The following DOCK4 variants were observed in gnomAD, a reference collection of about 807,000 sequenced individuals.
DOCK4 encodes the protein dedicator of cytokinesis protein 4.
Under a neutral mutation model 268.1 loss-of-function variants are expected in DOCK4, and 97 were observed. The ratio of observed to expected loss-of-function variants is 0.36; its 90% CI spans 0.31 to 0.43. DOCK4 has a LOEUF of 0.43. Ranked by LOEUF, DOCK4 falls within the 20% of genes least tolerant of loss-of-function variation. The pLI, the probability that DOCK4 is intolerant of heterozygous loss-of-function variation, is 1.00. For synonymous variants in DOCK4, 954 were observed against 887.2 expected (o/e 1.08, Z -1.34); for missense variants, 2,145 against 2,455.7 (o/e 0.87, Z 2.67).
chr7:112,095,297 A>C (rs1810019912), intron 1 of DOCK4, among the ~76,000 whole-genome samples: 1 of 152,226 alleles, frequency 6.6e-6, no homozygotes, highest in African/African-American at 2.4e-5. Context: ...AAAGGAAAAT[A>C]AAAGCCTTAA....
At chr7:111,874,750 T>C (rs1806703273) in intron 17 of DOCK4, among the ~76,000 whole-genome samples, 1 of 152,196 alleles carries the variant, frequency 6.6e-6, no homozygotes, top group Non-Finnish European at 1.5e-5. Flanking sequence ...CCTAATCCTC[T>C]GAACCTTAAA....
intron 16 of DOCK4, among the ~76,000 whole-genome samples, chr7:111,882,922 T>C (rs1477698001): frequency 6.6e-6 from 1 of 152,092 alleles, no homozygotes; most frequent in African/African-American, 2.4e-5. Flanking sequence ...TTTTTAATAA[T>C]AAATATTTAG....
chr7:112,108,984 G>A (rs372138839), intron 1 of DOCK4, among the ~76,000 whole-genome samples: 6 of 152,052 alleles, frequency 3.9e-5, no homozygotes, highest in African/African-American at 1.4e-4. Flanking sequence ...ACTGGGGGAG[G>A]AGGAGAGCAG....
At chr7:112,080,465 T>C (rs2135714031) in intron 1 of DOCK4, among the ~76,000 whole-genome samples, 1 of 152,356 alleles carries the variant, frequency 6.6e-6, no homozygotes, top group South Asian at 2.1e-4. Context: ...TTTCTTGCAT[T>C]GATAGAGAAA....
chr7:111,760,737 T>TG (rs1797341165), intron 39 of DOCK4, among the ~76,000 whole-genome samples: 5 of 109,206 alleles, frequency 4.6e-5, no homozygotes, highest in African/African-American at 2.1e-4. Context: ...TTGTCTGCTT[T>TG]TTGTGTGTGT....
chr7:111,946,360 G>C (rs372573665), intron 8 of DOCK4, among the ~76,000 whole-genome samples: 1 of 152,112 alleles, frequency 6.6e-6, no homozygotes. Flanking sequence ...ACTTGCATTT[G>C]AAAATACAGT....
At chr7:111,946,168 T>C (rs1795604052) in intron 8 of DOCK4, among the ~76,000 whole-genome samples, 1 of 152,228 alleles carries the variant, frequency 6.6e-6, no homozygotes, top group Admixed American at 6.5e-5. Flanking sequence ...CTTTTTCATG[T>C]TTTATGTCAC....
chr7:111,799,747 T>C (rs1273517856), intron 30 of DOCK4, among the ~76,000 whole-genome samples: 1 of 152,220 alleles, frequency 6.6e-6, no homozygotes, highest in Non-Finnish European at 1.5e-5. Flanking sequence ...TTAAAACTTC[T>C]TTTTAACTCA....
intron 13 of DOCK4, among the ~76,000 whole-genome samples, chr7:111,913,032 T>C (rs1792259043): frequency 6.6e-6 from 1 of 151,632 alleles, no homozygotes; most frequent in South Asian, 2.1e-4. Flanking sequence ...GACAGGATCT[T>C]GGCTCACTGC....
Position 111,847,112 on chromosome 7 carries a change from G to C in DOCK4, c.2488C>G (p.Leu830Val). The C allele has an allele frequency of 1.2e-6, 2 of 1,613,810 alleles. No individual in the cohort carries two copies. The highest frequency in any genetic ancestry group is 1.7e-6 in the Non-Finnish European group (2 of 1,179,750). ...LYTNPDSRYI[L>V]LPVVLHHLHI... ...AGGTGATGTAACACGACAGGCAGAAGAATGTATCGGGAATCTGAAGAGAGA... is the reference window on the plus strand; with the variant it reads ...AGGTGATGTAACACGACAGGCAGAACAATGTATCGGGAATCTGAAGAGAGA... Residue 830 changes from leucine (L) to valine (V), a missense_variant, in exon 24 of 53, where the codon CTT (leucine) becomes GTT (valine). By Grantham distance (32) the Leu-to-Val change is conservative. Coordinates refer to ENST00000428084, the MANE Select transcript of DOCK4 (RefSeq NM_001363540.2).
At chr7:111,846,366 G>A (rs939452609) in intron 24 of DOCK4, among the ~76,000 whole-genome samples, 1 of 152,174 alleles carries the variant, frequency 6.6e-6, no homozygotes, top group Admixed American at 6.5e-5. Flanking sequence ...CCTGAGCCAT[G>A]AACACAAATA....
chr7:111,998,449 C>A lies in DOCK4; in HGVS notation c.217G>T (p.Gly73Ter). ...CTACTAATAAAACTCATTTCTTACC[C>A]TTTGTTCTTTACACAGGCATTTTTC... ...HLKNACVKNK[G>*]QFEMVIPTED... Residue 73 changes from glycine to a stop codon, truncating the protein, a stop_gained and splice_region_variant, in exon 4 of 53, where the codon GGA (glycine) becomes TGA (stop). Transcript: ENST00000428084. LOFTEE classifies it high-confidence loss of function. The A allele has an allele frequency of 6.3e-7, 1 of 1,579,476 alleles. No homozygotes were observed. Among genetic ancestry groups the A allele is most frequent in the Non-Finnish European group, 8.6e-7 (1 of 1,160,128 alleles).
At chr7:111,840,649 C>T (rs1803606929) in intron 25 of DOCK4, 2 of 245,750 alleles carry the variant, frequency 8.1e-6, no homozygotes, top group Non-Finnish European at 1.5e-5. Context: ...AACTATGATA[C>T]AGCAGACGCC....
At position 111,760,153 on chromosome 7, in the gene DOCK4, T is replaced by A. The variant is rs1407102556; in HGVS notation, c.4162+28A>T. ...CAGCTAAGAGCCAGTGCAATCTCAC[T>A]GAGTCCAGCCCTTGTAGGTGCGGAT... On this transcript the variant is annotated intron_variant, in intron 40 of 52. Coordinates refer to ENST00000428084, the MANE Select transcript of DOCK4 (RefSeq NM_001363540.2). 3 of 1,609,810 alleles carry A rather than the reference T, an allele frequency of 1.9e-6. No homozygotes were observed. In the African/African-American group the frequency reaches 4.0e-5, roughly 22 times the overall value.
chr7:111,919,992 C>T (rs1014799), intron 12 of DOCK4, among the ~76,000 whole-genome samples: 36,960 of 151,976 alleles, frequency 0.24, 4,483 homozygotes, highest in East Asian at 0.35. Flanking sequence ...CAGTAAGAAA[C>T]AACATAATGA....
chr7:111,927,862 C>G (rs1793857945), intron 12 of DOCK4, among the ~76,000 whole-genome samples: 1 of 152,092 alleles, frequency 6.6e-6, no homozygotes, highest in Non-Finnish European at 1.5e-5. Context: ...GCCATTCTCC[C>G]CTGAGCAGGT....
chr7:111,779,822 C>A (rs1798683029), intron 35 of DOCK4, among the ~76,000 whole-genome samples: 1 of 152,204 alleles, frequency 6.6e-6, no homozygotes, highest in Admixed American at 6.5e-5. Context: ...AAGTTGGATT[C>A]TAGTAAAAGC....
chr7:112,133,503 G>A (rs772641956), intron 1 of DOCK4, among the ~76,000 whole-genome samples: 6 of 152,076 alleles, frequency 3.9e-5, no homozygotes, highest in Non-Finnish European at 7.4e-5. Context: ...AGGCCGAGGC[G>A]GGTGTATCAC....
intron 1 of DOCK4, among the ~76,000 whole-genome samples, chr7:112,065,592 C>T (rs879402520): frequency 7.4e-5 from 11 of 148,918 alleles, no homozygotes; most frequent in Non-Finnish European, 1.5e-4. Context: ...ACAGGAATTC[C>T]TGAGGGCACT....
Sources: gnomAD v4.1 joint callset for allele counts (sites outside exome capture counted in the v4.1 genomes callset) on GRCh38, gnomAD v4.1.1 for gene constraint, MANE v1.5 for transcripts, NCBI Gene and HGNC (gene_info 2026-07-23, HGNC 2026-07-21) for gene names.